The following NEK5 variants were observed in gnomAD, a reference collection of about 807,000 sequenced individuals.
The protein encoded by NEK5 is serine/threonine-protein kinase Nek5.
Under a neutral mutation model 109.2 loss-of-function variants are expected in NEK5, and 88 were observed. That is an observed-to-expected ratio of 0.81 (90% CI 0.68 to 0.96). The LOEUF (loss-of-function observed/expected upper bound fraction) is 0.96. NEK5 is among the 40% of genes least tolerant of loss of function. NEK5 has a pLI of 0.00. For missense variants in NEK5, 834 were observed against 920.7 expected, an observed-to-expected ratio of 0.91 and a Z score of 1.22; for synonymous variants, 283 against 299.9, an observed-to-expected ratio of 0.94 and a Z score of 0.58.
intron 17 of NEK5, among the ~76,000 whole-genome samples, chr13:52,080,348 G>T (rs1455171696): frequency 2.0e-5 from 3 of 151,256 alleles, no homozygotes; most frequent in Admixed American, 1.3e-4. Context: ...CTACTGGGAA[G>T]TGAGAAGCCC....
At chr13:52,088,316 G>C (rs543222139) in intron 14 of NEK5, among the ~76,000 whole-genome samples, 1 of 151,704 alleles carries the variant, frequency 6.6e-6, no homozygotes, top group South Asian at 2.1e-4. Context: ...GTGCAGTAGG[G>C]CGATCTCGGC....
intron 23 of NEK5, among the ~76,000 whole-genome samples, chr13:52,042,118 A>T (rs1954419696): frequency 6.6e-6 from 1 of 152,102 alleles, no homozygotes; most frequent in Non-Finnish European, 1.5e-5. Context: ...GAGAAAAAAT[A>T]GTTGTCAACC....
At chr13:52,079,773 G>C (rs938762255) in intron 17 of NEK5, among the ~76,000 whole-genome samples, 2 of 135,156 alleles carry the variant, frequency 1.5e-5, no homozygotes, top group African/African-American at 2.6e-5. Context: ...CGTCTGGGAC[G>C]TGAGGAGCCC....
chr13:52,083,453 C>T, intron 16 of NEK5, 101 bp from the exon 17 acceptor site: 1 of 701,032 alleles, frequency 1.4e-6, no homozygotes, highest in Non-Finnish European at 2.6e-6. Flanking sequence ...TGGACAGAAC[C>T]CTTTTTATAG....
chr13:52,080,561 G>T (rs1327452198), intron 17 of NEK5, among the ~76,000 whole-genome samples: 1 of 152,196 alleles, frequency 6.6e-6, no homozygotes, highest in Non-Finnish European at 1.5e-5. Context: ...AAATTCTTCT[G>T]CCTTGTGATC....
chr13:52,100,020 A>G, intron 11 of NEK5, 144 bp from the exon 12 acceptor site: 1 of 554,862 alleles, frequency 1.8e-6, no homozygotes, highest in Non-Finnish European at 2.9e-6. Context: ...ACACAGTGAG[A>G]GTACTGATGA....
chr13:52,088,443 CG>C (rs1566779477), intron 14 of NEK5, among the ~76,000 whole-genome samples: 1 of 149,988 alleles, frequency 6.7e-6, no homozygotes, highest in African/African-American at 2.5e-5. Context: ...TTAGTAGAGA[CG>C]GGCTTTCACC....
Position 52,034,881 on chromosome 13 carries a change from C to A in NEK5, c.*2067G>T, listed in dbSNP as rs200771480. On this transcript the variant is annotated 3_prime_UTR_variant, in exon 24 of 24. Coordinates refer to ENST00000684899, the MANE Select transcript of NEK5 (RefSeq NM_001365552.1). ...ACCATCCTTAAACATTCTTTTTTTT[C>A]TTTTTTTTTTTTTTTTTTGCCCTTA... 1 of 102,566 alleles carries A rather than the reference C, an allele frequency of 9.7e-6. No individual in the cohort carries two copies. 6.4% of individuals were successfully genotyped at this position (102,566 alleles called of 1,614,324 possible).
chr13:52,118,492 C>A (rs996063667), intron 4 of NEK5, among the ~76,000 whole-genome samples: 4 of 152,202 alleles, frequency 2.6e-5, no homozygotes, highest in African/African-American at 9.7e-5. Context: ...AGTAAGCACT[C>A]AATAAGTATC....
At chr13:52,064,722 C>G in intron 21 of NEK5, 1 of 234,008 alleles carries the variant, frequency 4.3e-6, no homozygotes, top group South Asian at 4.8e-5. Flanking sequence ...GGATGGTTGC[C>G]GTGTCTGTGT....
At chr13:52,053,183 C>T (rs1169179771) in intron 22 of NEK5, among the ~76,000 whole-genome samples, 1 of 152,160 alleles carries the variant, frequency 6.6e-6, no homozygotes, top group African/African-American at 2.4e-5. Flanking sequence ...CGCCTGTAAT[C>T]CCAGCTGCTC....
chr13:52,109,105 A>G (rs114680704), intron 7 of NEK5, among the ~76,000 whole-genome samples: 20 of 152,346 alleles, frequency 1.3e-4, no homozygotes, highest in Admixed American at 3.9e-4. Flanking sequence ...TTGCCACCAA[A>G]TTGTCTTCCA....
chr13:52,124,944 G>A (rs1484085773), intron 3 of NEK5, among the ~76,000 whole-genome samples: 1 of 152,212 alleles, frequency 6.6e-6, no homozygotes, highest in Non-Finnish European at 1.5e-5. Context: ...ATTCAAGGAA[G>A]AGGAAGAGTC....
At chr13:52,125,396 T>A (rs1247252849) in intron 3 of NEK5, among the ~76,000 whole-genome samples, 1 of 152,172 alleles carries the variant, frequency 6.6e-6, no homozygotes, top group Non-Finnish European at 1.5e-5. Flanking sequence ...ACCCCGTCTC[T>A]ACTAAAAATA....
At chr13:52,061,166 A>G (rs750431449) in intron 22 of NEK5, among the ~76,000 whole-genome samples, 2 of 152,196 alleles carry the variant, frequency 1.3e-5, no homozygotes, top group African/African-American at 2.4e-5. Flanking sequence ...TCAGATCATC[A>G]GGCATTAGAT....
Position 52,075,812 on chromosome 13 carries a change from A to T in NEK5, c.1668T>A (p.Phe556Leu). 1.3e-6 allele frequency: 2 copies of T among 1,568,488 alleles called. No individual in the cohort carries two copies. The highest frequency in any genetic ancestry group is 8.6e-7 in the Non-Finnish European group (1 of 1,156,968). ...QKYKAKKGVK[F>L]EINLDKCISD... The stretch of plus-strand genomic sequence containing the variant: ...AAATACATTTGTCTAAATTAATTTC[A>T]AATTTTACCCCCTTCTAGGAGAAAG... Residue 556 changes from phenylalanine (F) to leucine (L), a missense_variant, in exon 19 of 24, where the codon TTT (phenylalanine) becomes TTA (leucine). By Grantham distance (22) the Phe-to-Leu change is conservative (BLOSUM62 0). Transcript: ENST00000684899.
At chr13:52,055,609 A>C (rs923679729) in intron 22 of NEK5, among the ~76,000 whole-genome samples, 5 of 152,216 alleles carry the variant, frequency 3.3e-5, no homozygotes, top group Non-Finnish European at 5.9e-5. Flanking sequence ...TCTCGGCAGA[A>C]ACTCTACAAG....
chr13:52,099,829 A>T lies in NEK5; in HGVS notation c.940T>A (p.Ser314Thr). 1 of 1,613,800 alleles carries T rather than the reference A, an allele frequency of 6.2e-7. No homozygotes were observed. Among genetic ancestry groups the T allele is most frequent in the Non-Finnish European group, 8.5e-7 (1 of 1,179,748 alleles). ...VRFQGKCPPR[S>T]RISVPIKRNA... ...CTTTTAATTGGCACAGATATCCTTG[A>T]TCTTGGTGGGCACTTTCCCTGGAAT... is the stretch of plus-strand genomic sequence containing the variant. Residue 314 changes from serine (S) to threonine (T), a missense_variant, in exon 12 of 24, where the codon TCA becomes ACA. Coordinates refer to ENST00000684899, the MANE Select transcript of NEK5 (RefSeq NM_001365552.1).
Position 52,035,096 on chromosome 13 carries a change from C to T in NEK5, c.*1852G>A, listed in dbSNP as rs1331826839. The T allele has an allele frequency of 6.6e-6, 1 of 152,066 alleles. No individual in the cohort carries two copies. Among genetic ancestry groups the T allele is most frequent in the Non-Finnish European group, 1.5e-5 (1 of 68,000 alleles). The allele number at this position is 152,066 out of a possible 1,614,324, so 9.4% of individuals were successfully genotyped here. A position where few individuals can be genotyped will look rare whatever the true frequency, so the allele number is the denominator to read the frequency against. On this transcript the variant is annotated 3_prime_UTR_variant, in exon 24 of 24. Transcript: ENST00000684899. ...GTTGCAGAATTAATGATACTCCAAT[C>T]TCTCAGGCCATGTGTCAGTTGGAAA...
Sources: gnomAD v4.1 joint callset for allele counts (sites outside exome capture counted in the v4.1 genomes callset) on GRCh38, gnomAD v4.1.1 for gene constraint, MANE v1.5 for transcripts, NCBI Gene and HGNC (gene_info 2026-07-23, HGNC 2026-07-21) for gene names.